Variants in CIB2 observed in about 807,000 individuals in gnomAD.
The protein encoded by CIB2 is calcium and integrin binding family member 2.
Under a neutral mutation model 23.1 loss-of-function variants are expected in CIB2, and 19 were observed. The ratio of observed to expected loss-of-function variants is 0.82; its 90% CI spans 0.57 to 1.21. The LOEUF (loss-of-function observed/expected upper bound fraction) is 1.21. Ranked by LOEUF, CIB2 falls within the 50% of genes most tolerant of loss-of-function variation. The pLI is 0.00. For synonymous variants in CIB2, 94 were observed against 91.7 expected (o/e 1.03, Z -0.14); for missense variants, 220 against 241.5 (o/e 0.91, Z 0.59).
intron 3 of CIB2, among the ~76,000 whole-genome samples, chr15:78,109,785 C>G (rs552844783): frequency 7.9e-6 from 1 of 126,504 alleles, no homozygotes; most frequent in Admixed American, 9.9e-5. Context: ...CCAGCCTGGG[C>G]GACAGAGCAA....
chr15:78,107,160 A>G (rs1426082142), intron 4 of CIB2, among the ~76,000 whole-genome samples: 3 of 152,094 alleles, frequency 2.0e-5, no homozygotes, highest in Admixed American at 1.3e-4. Flanking sequence ...GCGTGAACCC[A>G]GGAGGCGGAG....
intron 1 of CIB2, 126 bp from the exon 2 acceptor site, chr15:78,123,865 C>A: frequency 9.4e-7 from 1 of 1,062,268 alleles, no homozygotes; most frequent in Non-Finnish European, 1.4e-6. Flanking sequence ...TCACTACTAT[C>A]CCTTTCCACC....
intron 2 of CIB2, among the ~76,000 whole-genome samples, chr15:78,115,562 A>G (rs1031074200): frequency 6.6e-6 from 1 of 152,048 alleles, no homozygotes; most frequent in Non-Finnish European, 1.5e-5. Flanking sequence ...CACCTGGTCA[A>G]AAGTATTTTA....
intron 3 of CIB2, chr15:78,110,874 G>C: frequency 3.1e-6 from 1 of 320,330 alleles, no homozygotes; most frequent in Non-Finnish European, 6.8e-6. Context: ...AGCAGACACA[G>C]GTCTGCCAAC....
chr15:78,113,041 T>C (rs995305157), intron 2 of CIB2, among the ~76,000 whole-genome samples: 4 of 152,170 alleles, frequency 2.6e-5, no homozygotes, highest in African/African-American at 4.8e-5. Context: ...AGTCTCCCAT[T>C]TTCAGGTAGG....
intron 2 of CIB2, among the ~76,000 whole-genome samples, chr15:78,114,530 A>C (rs553600367): frequency 3.0e-4 from 46 of 152,268 alleles, no homozygotes; most frequent in African/African-American, 1.1e-3. Flanking sequence ...GAAATGTGAA[A>C]ACTCTCACTT....
At position 78,105,163 on chromosome 15, in the gene CIB2, T is replaced by G. The variant is rs2074046683; in HGVS notation, c.*148A>C. 1.8e-6 allele frequency: 2 copies of G among 1,128,716 alleles called. No individual in the cohort carries two copies. Among genetic ancestry groups the G allele is most frequent in the South Asian group, 2.9e-5 (2 of 69,106 alleles). 69.9% of individuals were successfully genotyped at this position (1,128,716 alleles called of 1,614,324 possible). ...CACAGGCCCCCTTCCTGGTTAAGGT[T>G]TTTTTTTTGCTGAAAGGGCCACAGG... is the stretch of plus-strand genomic sequence containing the variant. On this transcript the variant is annotated 3_prime_UTR_variant, in exon 6 of 6. Transcript: ENST00000258930.
chr15:78,108,301 G>A (rs2074101242), intron 4 of CIB2, among the ~76,000 whole-genome samples: 1 of 152,046 alleles, frequency 6.6e-6, no homozygotes, highest in Admixed American at 6.5e-5. Flanking sequence ...GATCAAACGT[G>A]CTGAGGACAG....
chr15:78,128,473 T>C, intron 1 of CIB2, among the ~76,000 whole-genome samples: 1 of 152,008 alleles, frequency 6.6e-6, no homozygotes, highest in East Asian at 1.9e-4. Context: ...GGTCAGGAGT[T>C]TGAGACCAGC....
At chr15:78,106,429 G>A (rs1299079475) in intron 4 of CIB2, among the ~76,000 whole-genome samples, 1 of 152,188 alleles carries the variant, frequency 6.6e-6, no homozygotes, top group African/African-American at 2.4e-5. Flanking sequence ...TGCCTCAGTG[G>A]TGTGTGACCA....
chr15:78,108,730 TG>T (rs143218982), intron 4 of CIB2, among the ~76,000 whole-genome samples: 2,105 of 152,300 alleles, frequency 0.014, 46 homozygotes, highest in African/African-American at 0.048. Context: ...CCTTCCTCAC[TG>T]GAAACCTTGC....
At chr15:78,109,189 T>C in intron 4 of CIB2, 46 bp downstream of exon 4, 1 of 1,319,886 alleles carries the variant, frequency 7.6e-7, no homozygotes, top group Non-Finnish European at 1.0e-6. Flanking sequence ...GGGCCCCACA[T>C]GTTCCCCCAC....
chr15:78,115,514 T>C (rs1175081542), intron 2 of CIB2, among the ~76,000 whole-genome samples: 2 of 151,810 alleles, frequency 1.3e-5, no homozygotes, highest in African/African-American at 4.8e-5. Context: ...CACCACATCA[T>C]CCTCTCAAAG....
At chr15:78,122,356 G>A (rs578233550) in intron 2 of CIB2, among the ~76,000 whole-genome samples, 2 of 152,306 alleles carry the variant, frequency 1.3e-5, no homozygotes, top group South Asian at 4.1e-4. Flanking sequence ...AATGGCCGTG[G>A]GCCTCAGAAG....
Position 78,131,212 on chromosome 15 carries a change from C to T in CIB2, c.4G>A (p.Gly2Arg), listed in dbSNP as rs1161407918. ...TCGGTGAAGATGGTCTGCTTGTTCC[C>T]CATGGTGGCCGCCGCGCCGCCGCTC... MGNKQTIFTEEQ... is the reference protein window; with the variant it reads MRNKQTIFTEEQ... Residue 2 changes from glycine (G) to arginine (R), a missense_variant, in exon 1 of 6, where the codon GGG becomes AGG. Gly to Arg is a moderately radical substitution (Grantham distance 125). Transcript: ENST00000258930. This position sits in a 1 kb window ranked among gnomAD's most constrained non-coding sequence, Gnocchi z 5.8. 2.0e-6 allele frequency: 3 copies of T among 1,526,376 alleles called. No homozygotes were observed. Among genetic ancestry groups the T allele is most frequent in the Non-Finnish European group, 2.6e-6 (3 of 1,135,010 alleles). 94.6% of individuals were successfully genotyped at this position (1,526,376 alleles called of 1,614,324 possible). A position where few individuals can be genotyped will look rare whatever the true frequency, so the allele number is the denominator to read the frequency against.
At chr15:78,122,603 T>C (rs981631509) in intron 2 of CIB2, among the ~76,000 whole-genome samples, 4 of 152,240 alleles carry the variant, frequency 2.6e-5, no homozygotes, top group Non-Finnish European at 2.9e-5. Context: ...CCAGTGTTGC[T>C]GCCTCTCGGC....
In CIB2 at chr15:78,123,868, T is replaced by C. The variant is rs963147704; in HGVS notation, c.52-129A>G. The C allele has an allele frequency of 1.1e-5, 11 of 1,045,098 alleles. No individual in the cohort carries two copies. The African/African-American group carries it at 1.7e-4, about 16-fold the overall frequency. The allele number at this position is 1,045,098 out of a possible 1,614,324, so 64.7% of individuals were successfully genotyped here. On this transcript the variant is annotated intron_variant, in intron 1 of 5. Coordinates refer to ENST00000258930, the MANE Select transcript of CIB2 (RefSeq NM_006383.4). ...GGGACAGAAGAGTCACTACTATCCCTTTCCACCTTGCCCTCACCCACTGGG... is the reference window on the plus strand; with the variant it reads ...GGGACAGAAGAGTCACTACTATCCCCTTCCACCTTGCCCTCACCCACTGGG...
chr15:78,106,379 A>G (rs940585590), intron 4 of CIB2, among the ~76,000 whole-genome samples: 3 of 152,228 alleles, frequency 2.0e-5, no homozygotes, highest in Admixed American at 2.0e-4. Flanking sequence ...ACTAGGGCCT[A>G]TGGGACTCTA....
At chr15:78,126,140 G>GCCCCCC (rs55741935) in intron 1 of CIB2, among the ~76,000 whole-genome samples, 15 of 129,792 alleles carry the variant, frequency 1.2e-4, no homozygotes, top group South Asian at 4.9e-4. Context: ...CCTTTCCCCT[G>GCCCCCC]CCCCCCCCCC....
Sources: allele counts gnomAD v4.1 joint callset (sites outside exome capture counted in the v4.1 genomes callset), GRCh38; gene constraint gnomAD v4.1.1; non-coding constraint Gnocchi (gnomAD v3.1); transcripts MANE v1.5; gene names NCBI Gene and HGNC (gene_info 2026-07-23, HGNC 2026-07-21).